The following GOT1 variants were observed in gnomAD, a reference collection of about 807,000 sequenced individuals.
The protein encoded by GOT1 is glutamic-oxaloacetic transaminase 1.
A neutral mutation model predicts 48.2 loss-of-function variants in GOT1; 25 were observed. That is an observed-to-expected ratio of 0.52 (90% CI 0.38 to 0.72). GOT1 has a LOEUF of 0.72. Ranked by LOEUF, GOT1 falls within the 30% of genes least tolerant of loss-of-function variation. The pLI, the probability that GOT1 is intolerant of heterozygous loss-of-function variation, is 0.00. For missense variants in GOT1, 380 were observed against 520.1 expected (o/e 0.73, Z 2.62); for synonymous variants, 188 against 193.8 (o/e 0.97, Z 0.25).
intron 2 of GOT1, among the ~76,000 whole-genome samples, chr10:99,416,446 T>C (rs553334828): frequency 2.4e-4 from 37 of 152,208 alleles, no homozygotes; most frequent in African/African-American, 8.4e-4. Context: ...TAAAAGAGGA[T>C]ACAAACAAAT....
Position 99,397,517 on chromosome 10 carries a change from C to T in GOT1, c.*30G>A, listed in dbSNP as rs751788331. On this transcript the variant is annotated 3_prime_UTR_variant, in exon 9 of 9. Transcript: ENST00000370508. The surrounding 1 kb of genome is among the most constrained non-coding windows in gnomAD (Gnocchi z 5.4). The stretch of plus-strand genomic sequence containing the variant: ...AGGGAACACACATGACAGAGAACTA[C>T]TTTGGTGGTACTGGACGGGTGGTGT... The T allele has an allele frequency of 1.1e-5, 18 of 1,611,664 alleles. No homozygotes were observed. The highest frequency in any genetic ancestry group is 1.4e-5 in the Non-Finnish European group (16 of 1,178,674).
intron 2 of GOT1, among the ~76,000 whole-genome samples, chr10:99,412,549 A>C (rs2032840350): frequency 6.6e-6 from 1 of 151,798 alleles, no homozygotes; most frequent in Non-Finnish European, 1.5e-5. Flanking sequence ...AAGGCAGCAG[A>C]AACCTCTGCA....
At chr10:99,413,186 C>G (rs1231643844) in intron 2 of GOT1, among the ~76,000 whole-genome samples, 4 of 152,238 alleles carry the variant, frequency 2.6e-5, no homozygotes, top group East Asian at 1.9e-4. Context: ...AAGTTAAAAA[C>G]CTTGAAAAAA....
At chr10:99,421,921 G>A (rs2134108418) in intron 1 of GOT1, among the ~76,000 whole-genome samples, 1 of 152,198 alleles carries the variant, frequency 6.6e-6, no homozygotes, top group South Asian at 2.1e-4. Flanking sequence ...TGAACAACAC[G>A]TGTTGATTGT....
intron 8 of GOT1, among the ~76,000 whole-genome samples, chr10:99,400,209 G>A (rs1172905486): frequency 1.3e-5 from 2 of 152,200 alleles, no homozygotes; most frequent in East Asian, 1.9e-4. Flanking sequence ...TCTCCTAAAC[G>A]TACATCCAGG....
At position 99,430,545 on chromosome 10, in the gene GOT1, A is replaced by G. The variant is rs754094707; in HGVS notation, c.21T>C (p.Phe7=). MAPPSV[F]AEVPQAQPVL... is the part of the protein sequence containing the mutation. ...CAGGCTGGGCCTGCGGAACCTCGGC[A>G]AAGACTGACGGAGGTGCCATATCGA... The change falls in exon 1 of 9, where the codon TTT becomes TTC. Residue 7 remains phenylalanine (F), a synonymous_variant. Coordinates refer to ENST00000370508, the MANE Select transcript of GOT1 (RefSeq NM_002079.3). 2.5e-6 allele frequency: 4 copies of G among 1,605,804 alleles called. No homozygotes were observed. The African/African-American group carries it at 5.4e-5, about 22-fold the overall frequency.
intron 2 of GOT1, among the ~76,000 whole-genome samples, chr10:99,409,662 GAT>G (rs1358437267): frequency 6.6e-6 from 1 of 152,108 alleles, no homozygotes; most frequent in East Asian, 1.9e-4. Flanking sequence ...GATTATAAGA[GAT>G]ATAAAACCAA....
At chr10:99,398,648 G>T (rs569986420) in intron 8 of GOT1, among the ~76,000 whole-genome samples, 1 of 151,822 alleles carries the variant, frequency 6.6e-6, no homozygotes, top group East Asian at 1.9e-4. Context: ...TCCAGCCTGG[G>T]TGACAGAGTG....
Position 99,403,550 on chromosome 10 carries a change from C to T in GOT1, c.878G>A (p.Arg293Gln). The change falls in exon 7 of 9, where the codon CGG (arginine) becomes CAG (glutamine). Residue 293 changes from arginine to glutamine, a missense_variant. Physicochemically the swap from Arg to Gln is conservative, Grantham distance 43 (BLOSUM62 1). Transcript: ENST00000370508. ...QVLSQMEKIVRITWSNPPAQG... is the reference protein window; with the variant it reads ...QVLSQMEKIVQITWSNPPAQG... ...GGCGGGGGGATTGGACCAAGTAATC[C>T]GCACGATCTTCTCCATCTGGGAAAG... 4 of 1,614,104 alleles carry T rather than the reference C, an allele frequency of 2.5e-6. No individual in the cohort carries two copies. Among genetic ancestry groups the T allele is most frequent in the East Asian group, 2.2e-5 (1 of 44,888 alleles).
intron 2 of GOT1, among the ~76,000 whole-genome samples, chr10:99,412,600 G>C (rs1277207876): frequency 6.6e-6 from 1 of 151,838 alleles, no homozygotes; most frequent in Non-Finnish European, 1.5e-5. Context: ...AGAGAGTAGT[G>C]GTTCTCTCAG....
intron 2 of GOT1, among the ~76,000 whole-genome samples, chr10:99,408,954 G>A (rs941723293): frequency 6.6e-6 from 1 of 151,818 alleles, no homozygotes; most frequent in African/African-American, 2.4e-5. Flanking sequence ...TCCAGCTTTC[G>A]TGGAGGGCAG....
At chr10:99,417,925 T>C (rs2032917562) in intron 2 of GOT1, among the ~76,000 whole-genome samples, 1 of 151,946 alleles carries the variant, frequency 6.6e-6, no homozygotes, top group South Asian at 2.1e-4. Flanking sequence ...GGGGGAAGGA[T>C]AGCATTAGGA....
intron 2 of GOT1, among the ~76,000 whole-genome samples, chr10:99,415,913 A>G (rs1395077597): frequency 6.6e-6 from 1 of 152,232 alleles, no homozygotes; most frequent in East Asian, 1.9e-4. Context: ...AAAAACTCTC[A>G]ATAAATTAGG....
At chr10:99,426,512 T>G (rs2033039744) in intron 1 of GOT1, among the ~76,000 whole-genome samples, 1 of 152,096 alleles carries the variant, frequency 6.6e-6, no homozygotes, top group African/African-American at 2.4e-5. Context: ...ATGTTGAAAA[T>G]AAGAAATATT....
At chr10:99,419,291 G>A (rs1030811707) in intron 2 of GOT1, among the ~76,000 whole-genome samples, 1 of 152,164 alleles carries the variant, frequency 6.6e-6, no homozygotes, top group Admixed American at 6.5e-5. Flanking sequence ...CTGGACTAGT[G>A]CAAAAATCTG....
At chr10:99,418,429 A>G (rs12252840) in intron 2 of GOT1, among the ~76,000 whole-genome samples, 1 of 151,642 alleles carries the variant, frequency 6.6e-6, no homozygotes, top group African/African-American at 2.4e-5. Context: ...TTTGTCAGCA[A>G]CAGAATTCCA....
At chr10:99,413,922 C>G (rs1054572401) in intron 2 of GOT1, among the ~76,000 whole-genome samples, 1 of 152,170 alleles carries the variant, frequency 6.6e-6, no homozygotes, top group African/African-American at 2.4e-5. Context: ...GCCTGCCCTA[C>G]AAGAGCTCCT....
At chr10:99,405,211 G>A (rs2032738993) in intron 5 of GOT1, among the ~76,000 whole-genome samples, 1 of 152,196 alleles carries the variant, frequency 6.6e-6, no homozygotes, top group Non-Finnish European at 1.5e-5. Flanking sequence ...CGTTAAGGAA[G>A]AATATACACA....
intron 2 of GOT1, among the ~76,000 whole-genome samples, chr10:99,412,561 A>T (rs1471439690): frequency 1.3e-5 from 2 of 151,802 alleles, no homozygotes; most frequent in African/African-American, 4.8e-5. Flanking sequence ...ACCTCTGCAG[A>T]CTTAAATGTC....
Sources: gnomAD v4.1 joint callset for allele counts (sites outside exome capture counted in the v4.1 genomes callset) on GRCh38, gnomAD v4.1.1 for gene constraint, Gnocchi (gnomAD v3.1) non-coding constraint, MANE v1.5 for transcripts, NCBI Gene and HGNC (gene_info 2026-07-23, HGNC 2026-07-21) for gene names.